IFT80: variants seen among roughly 807,000 people sequenced by gnomAD.
IFT80 encodes intraflagellar transport 80, also known as intraflagellar transport protein 80 homolog.
Under a neutral mutation model 107.9 loss-of-function variants are expected in IFT80, and 79 were observed. The ratio of observed to expected loss-of-function variants is 0.73; its 90% CI spans 0.61 to 0.88. The LOEUF is 0.88. IFT80 is among the 40% of genes least tolerant of loss of function. The pLI, the probability that IFT80 is intolerant of heterozygous loss-of-function variation, is 0.00. For synonymous variants in IFT80, 299 were observed against 300.9 expected, an observed-to-expected ratio of 0.99 and a Z score of 0.07; for missense variants, 797 against 914.2, an observed-to-expected ratio of 0.87 and a Z score of 1.65.
chr3:160,315,694 C>T (rs1013399948), intron 9 of IFT80, among the ~76,000 whole-genome samples: 7 of 152,096 alleles, frequency 4.6e-5, no homozygotes, highest in African/African-American at 1.7e-4. Context: ...CAGCCACCCT[C>T]TTTTCCCTTT....
intron 3 of IFT80, among the ~76,000 whole-genome samples, chr3:160,381,053 G>A (rs1230565964): frequency 6.6e-6 from 1 of 151,442 alleles, no homozygotes; most frequent in African/African-American, 2.4e-5. Flanking sequence ...TGGGCAACAA[G>A]ATGAGACCCT....
intron 1 of IFT80, among the ~76,000 whole-genome samples, chr3:160,396,049 TTC>T (rs1414099135): frequency 6.6e-6 from 1 of 152,068 alleles, no homozygotes; most frequent in Non-Finnish European, 1.5e-5. Context: ...CCATTTTATT[TTC>T]TCTCTTAAGC....
chr3:160,288,141 G>A (rs376216216), intron 12 of IFT80, among the ~76,000 whole-genome samples: 2 of 152,136 alleles, frequency 1.3e-5, no homozygotes, highest in South Asian at 2.1e-4. Context: ...TCAGGAGATC[G>A]AGACCATCCT....
chr3:160,260,666 T>C (rs1357895128), intron 19 of IFT80, among the ~76,000 whole-genome samples: 2 of 152,218 alleles, frequency 1.3e-5, no homozygotes, highest in Admixed American at 6.5e-5. Flanking sequence ...TTTTTAATAG[T>C]AGGTTTTAGA....
At chr3:160,270,493 C>A (rs573755779) in intron 18 of IFT80, among the ~76,000 whole-genome samples, 7 of 152,168 alleles carry the variant, frequency 4.6e-5, no homozygotes, top group African/African-American at 1.7e-4. Context: ...TATAAATTGA[C>A]ATACACTGTA....
intron 8 of IFT80, among the ~76,000 whole-genome samples, chr3:160,324,623 C>T (rs990632480): frequency 2.0e-5 from 3 of 152,018 alleles, no homozygotes; most frequent in Admixed American, 1.3e-4. Context: ...ATTGATGGGA[C>T]ATATCTCAAA....
intron 1 of IFT80, among the ~76,000 whole-genome samples, chr3:160,384,920 T>G (rs1712809727): frequency 6.6e-6 from 1 of 152,166 alleles, no homozygotes; most frequent in South Asian, 2.1e-4. Flanking sequence ...GGTAAAGAAT[T>G]TCCATGTCCT....
At chr3:160,352,591 G>A (rs1720792631) in intron 8 of IFT80, among the ~76,000 whole-genome samples, 1 of 152,048 alleles carries the variant, frequency 6.6e-6, no homozygotes, top group African/African-American at 2.4e-5. Flanking sequence ...ACTTCACAGA[G>A]CCTCATTCTC....
At chr3:160,355,964 T>TA in intron 8 of IFT80, 49 bp downstream of exon 8, 1 of 1,603,160 alleles carries the variant, frequency 6.2e-7, no homozygotes, top group South Asian at 1.1e-5. Context: ...TGTTGTGCAT[T>TA]ACCACATTTA....
At chr3:160,326,345 T>C (rs1214395033) in intron 8 of IFT80, among the ~76,000 whole-genome samples, 2 of 152,098 alleles carry the variant, frequency 1.3e-5, no homozygotes, top group South Asian at 2.1e-4. Context: ...ATCATCCTGA[T>C]ACCAAAACCT....
chr3:160,357,706 T>C, intron 6 of IFT80, 128 bp from the exon 7 acceptor site: 1 of 638,210 alleles, frequency 1.6e-6, no homozygotes, highest in Non-Finnish European at 2.8e-6. Context: ...TATCTTCCTT[T>C]TATAGCCAAT....
At chr3:160,327,935 T>C (rs1718791938) in intron 8 of IFT80, among the ~76,000 whole-genome samples, 2 of 152,100 alleles carry the variant, frequency 1.3e-5, no homozygotes, top group South Asian at 4.1e-4. Context: ...TTGCAAACTA[T>C]GCATCTGACA....
chr3:160,262,544 T>G (rs1712937159), intron 19 of IFT80, among the ~76,000 whole-genome samples: 1 of 152,136 alleles, frequency 6.6e-6, no homozygotes, highest in Non-Finnish European at 1.5e-5. Flanking sequence ...GGTCCTGAAC[T>G]CTTGGGCTTG....
intron 1 of IFT80, among the ~76,000 whole-genome samples, chr3:160,387,390 G>C (rs1713021232): frequency 6.6e-6 from 1 of 152,188 alleles, no homozygotes; most frequent in Non-Finnish European, 1.5e-5. Context: ...TGTAATCCCA[G>C]CTACTCAGGA....
intron 6 of IFT80, among the ~76,000 whole-genome samples, chr3:160,365,641 A>G (rs909793843): frequency 2.6e-5 from 4 of 152,088 alleles, no homozygotes; most frequent in African/African-American, 9.7e-5. Context: ...TAATCCTTAC[A>G]GCAATCCTGT....
intron 8 of IFT80, among the ~76,000 whole-genome samples, chr3:160,323,935 G>A (rs1322760036): frequency 5.3e-5 from 8 of 151,968 alleles, no homozygotes; most frequent in Non-Finnish European, 1.0e-4. Flanking sequence ...AATAAAAAAT[G>A]ATAAAGGGGA....
intron 6 of IFT80, among the ~76,000 whole-genome samples, chr3:160,364,811 T>C (rs925907270): frequency 2.6e-5 from 4 of 151,706 alleles, no homozygotes; most frequent in South Asian, 2.1e-4. Context: ...ATAAGAACAC[T>C]TGTACACAGG....
intron 18 of IFT80, 26 bp downstream of exon 18, chr3:160,277,280 G>T: frequency 6.3e-7 from 1 of 1,598,490 alleles, no homozygotes; most frequent in South Asian, 1.1e-5. Context: ...ACAGATTTTG[G>T]AACTGATGGA....
At chr3:160,345,144 T>C (rs1329207841) in intron 8 of IFT80, among the ~76,000 whole-genome samples, 1 of 152,196 alleles carries the variant, frequency 6.6e-6, no homozygotes, top group Non-Finnish European at 1.5e-5. Context: ...CCATGTTTGT[T>C]GCAGCTCTGT....
Sources: allele counts gnomAD v4.1 joint callset (sites outside exome capture counted in the v4.1 genomes callset), GRCh38; gene constraint gnomAD v4.1.1; transcripts MANE v1.5; gene names NCBI Gene and HGNC (gene_info 2026-07-23, HGNC 2026-07-21).